The following LARP4B variants were observed in gnomAD, a reference collection of about 807,000 sequenced individuals.
LARP4B encodes la-related protein 4B.
In LARP4B, 12 loss-of-function variants were observed where a neutral mutation model predicts 89.8. That is an observed-to-expected ratio of 0.13 (90% CI 0.09 to 0.22). The LOEUF (loss-of-function observed/expected upper bound fraction) is 0.22. LARP4B is among the 10% of genes least tolerant of loss of function. The pLI is 1.00. For missense variants in LARP4B, 757 were observed against 947.7 expected, an observed-to-expected ratio of 0.80 and a Z score of 2.64; for synonymous variants, 367 against 363.3, an observed-to-expected ratio of 1.01 and a Z score of -0.12.
At chr10:915,212 G>A (rs1392042849) in intron 1 of LARP4B, among the ~76,000 whole-genome samples, 1 of 152,028 alleles carries the variant, frequency 6.6e-6, no homozygotes, top group Non-Finnish European at 1.5e-5. Flanking sequence ...TTGAGCCCAG[G>A]AGTTTGAGGC....
intron 1 of LARP4B, among the ~76,000 whole-genome samples, chr10:915,493 T>C (rs953169925): frequency 2.6e-5 from 4 of 152,140 alleles, no homozygotes; most frequent in Admixed American, 2.0e-4. Context: ...AAACTGAGTA[T>C]CAAAAAAGAG....
chr10:835,321 C>A (rs757414391), intron 8 of LARP4B, among the ~76,000 whole-genome samples: 4 of 152,180 alleles, frequency 2.6e-5, no homozygotes, highest in Non-Finnish European at 5.9e-5. Flanking sequence ...CTCACACACA[C>A]TAACCCACTC....
intron 1 of LARP4B, among the ~76,000 whole-genome samples, chr10:925,770 G>A (rs1288024000): frequency 6.6e-6 from 1 of 152,170 alleles, no homozygotes; most frequent in Non-Finnish European, 1.5e-5. Context: ...CTAACCTCAG[G>A]TGATCCACCC....
intron 3 of LARP4B, among the ~76,000 whole-genome samples, chr10:865,705 C>T (rs1834865289): frequency 6.6e-6 from 1 of 152,206 alleles, no homozygotes. Context: ...ACAAGCACTC[C>T]CCAAAGCCTA....
chr10:896,547 T>TTTTTG (rs1203782591), intron 1 of LARP4B, among the ~76,000 whole-genome samples: 11 of 152,344 alleles, frequency 7.2e-5, no homozygotes, highest in African/African-American at 2.4e-4. Context: ...ACTGAATTAT[T>TTTTTG]TTTTGTTTTG....
rs746279654 is a variant in LARP4B, at chr10:885,603, G to C, written c.81+38C>G. The C allele has an allele frequency of 6.0e-6, 9 of 1,504,368 alleles. No homozygotes were observed. The South Asian group carries it at 9.3e-5, about 16-fold the overall frequency. 93.2% of individuals were successfully genotyped at this position (1,504,368 alleles called of 1,614,324 possible). ...AATATAGAGTCCTTTATCAAAAAAA[G>C]CAATGGACTCCCCACCACCCCATTC... is the stretch of plus-strand genomic sequence containing the variant. On this transcript the variant is annotated intron_variant, in intron 2 of 17. Transcript: ENST00000316157.
At chr10:908,645 A>C (rs911621162) in intron 1 of LARP4B, among the ~76,000 whole-genome samples, 2 of 152,222 alleles carry the variant, frequency 1.3e-5, no homozygotes, top group African/African-American at 2.4e-5. Flanking sequence ...AAATCCCCGC[A>C]CATTTCTTGG....
the LARP4B span, among the ~76,000 whole-genome samples, chr10:940,747 G>C: frequency 6.6e-6 from 1 of 152,286 alleles, no homozygotes; most frequent in Non-Finnish European, 1.5e-5. Context: ...GCGCAGGAGA[G>C]GTGTGAGCTA....
intron 1 of LARP4B, among the ~76,000 whole-genome samples, chr10:887,986 T>C (rs886589192): frequency 8.7e-5 from 13 of 150,094 alleles, no homozygotes; most frequent in Admixed American, 5.3e-4. Context: ...ATCTCGCCAC[T>C]GCACTCCCAC....
chr10:958,152 G>A, the LARP4B span, among the ~76,000 whole-genome samples: 1 of 152,178 alleles, frequency 6.6e-6, no homozygotes, highest in Non-Finnish European at 1.5e-5. Flanking sequence ...CCACTGGGTT[G>A]TCACTTGGAT....
intron 13 of LARP4B, among the ~76,000 whole-genome samples, chr10:824,183 G>A (rs1832498883): frequency 6.6e-6 from 1 of 152,194 alleles, no homozygotes; most frequent in Non-Finnish European, 1.5e-5. Context: ...GGCAAGGACT[G>A]AGAAGATCAA....
Position 912,039 on chromosome 10 carries a change from C to T in LARP4B, c.-40+19389G>A, listed in dbSNP as rs570374711. Among the ~76,000 whole-genome samples, 155 of 152,324 alleles carry T rather than the reference C, an allele frequency of 1.0e-3. 1 individual carries two copies. Among genetic ancestry groups the T allele is most frequent in the Middle Eastern group, 6.8e-3 (2 of 294 alleles). On this transcript the variant is annotated intron_variant, in intron 1 of 17. Coordinates refer to ENST00000316157, the MANE Select transcript of LARP4B (RefSeq NM_015155.3). ...GGATGGGCTGGTCACAGTGGGCTGA[C>T]TGGGCCACTCACCAACCTTGAGGGA... is the stretch of plus-strand genomic sequence containing the variant.
chr10:833,879 T>C (rs565404763), intron 8 of LARP4B, among the ~76,000 whole-genome samples: 323 of 132,426 alleles, frequency 2.4e-3, no homozygotes, highest in African/African-American at 9.1e-3. Context: ...CAGAGCAAGA[T>C]GCCACCTCAA....
chr10:807,452 T>C (rs1831597762), downstream of LARP4B: 2 of 152,276 alleles, frequency 1.3e-5, no homozygotes, highest in Non-Finnish European at 2.9e-5. Context: ...CAGAGGTGAA[T>C]GAATTTGGCT....
In LARP4B at chr10:814,916, C is replaced by T; in HGVS notation, c.1820+30G>A. ...CACAGGCCATTCAAGTCAGTCAACA[C>T]CAAGGCGCTGGAAGAACACCAATAC... On this transcript the variant is annotated intron_variant, in intron 16 of 17. Transcript: ENST00000316157. The surrounding 1 kb of genome is among the most constrained non-coding windows in gnomAD (Gnocchi z 4.4). 2.5e-6 allele frequency: 4 copies of T among 1,577,518 alleles called. No individual in the cohort carries two copies. The highest frequency in any genetic ancestry group is 3.5e-6 in the Non-Finnish European group (4 of 1,157,030).
chr10:862,741 C>T (rs759810748), intron 5 of LARP4B, among the ~76,000 whole-genome samples: 1 of 151,308 alleles, frequency 6.6e-6, no homozygotes, highest in Non-Finnish European at 1.5e-5. Flanking sequence ...GGCTGGGTGA[C>T]AGTGAGACTC....
intron 3 of LARP4B, among the ~76,000 whole-genome samples, chr10:881,842 G>A (rs1835678170): frequency 6.6e-6 from 1 of 152,168 alleles, no homozygotes; most frequent in Non-Finnish European, 1.5e-5. Flanking sequence ...CTGTGTTAGG[G>A]CTCCTCGAAG....
intron 5 of LARP4B, among the ~76,000 whole-genome samples, chr10:847,808 C>T (rs558715362): frequency 6.6e-5 from 10 of 152,278 alleles, no homozygotes; most frequent in Admixed American, 2.0e-4. Flanking sequence ...GGATTCCAGG[C>T]GTGAGCCACC....
At chr10:824,028 G>T (rs1832490726) in intron 13 of LARP4B, among the ~76,000 whole-genome samples, 1 of 152,212 alleles carries the variant, frequency 6.6e-6, no homozygotes, top group African/African-American at 2.4e-5. Context: ...TGCACAGAGG[G>T]TGTGCACTGT....
Sources: allele counts gnomAD v4.1 joint callset (sites outside exome capture counted in the v4.1 genomes callset), GRCh38; gene constraint gnomAD v4.1.1; non-coding constraint Gnocchi (gnomAD v3.1); transcripts MANE v1.5; gene names NCBI Gene and HGNC (gene_info 2026-07-23, HGNC 2026-07-21).